Variants in NOTCH4 observed in about 807,000 individuals in gnomAD.
The protein encoded by NOTCH4 is notch receptor 4.
In NOTCH4, 138 loss-of-function variants were observed where a neutral mutation model predicts 189.0. The ratio of observed to expected loss-of-function variants is 0.73; its 90% CI spans 0.64 to 0.84. The LOEUF (loss-of-function observed/expected upper bound fraction) is 0.84. Among genes scored for constraint, NOTCH4 ranks in the 40% least tolerant of loss-of-function variants. The pLI is 0.00. For missense variants in NOTCH4, 2,286 were observed against 2,605.4 expected (o/e 0.88, Z 2.67); for synonymous variants, 942 against 1,032.8 (o/e 0.91, Z 1.69).
Position 32,198,298 on chromosome 6 carries a change from A to C in NOTCH4, c.4756+123T>G. The C allele has an allele frequency of 1.9e-6, 2 of 1,051,286 alleles. No homozygotes were observed. Among genetic ancestry groups the C allele is most frequent in the Non-Finnish European group, 2.7e-6 (2 of 735,928 alleles). The allele number at this position is 1,051,286 out of a possible 1,614,324, so 65.1% of individuals were successfully genotyped here. On this transcript the variant is annotated intron_variant, in intron 26 of 29. Coordinates refer to ENST00000375023, the MANE Select transcript of NOTCH4 (RefSeq NM_004557.4). The surrounding 1 kb of genome is among the most constrained non-coding windows in gnomAD (Gnocchi z 5.5). ...GCTGTCTGAGGACCACACTTTGAGA[A>C]TCATTGTTCTAAGGCACTCAGTCTA...
chr6:32,223,288 C>G (rs1232042017), intron 1 of NOTCH4, among the ~76,000 whole-genome samples: 2 of 152,156 alleles, frequency 1.3e-5, no homozygotes, highest in Admixed American at 1.3e-4. Context: ...TCCCTACCCC[C>G]CTTTCCTGTT....
At chr6:32,211,069 G>A (rs770658789) in intron 17 of NOTCH4, 133 bp from the exon 18 acceptor site, 59 of 779,410 alleles carry the variant, frequency 7.6e-5, no homozygotes, top group Non-Finnish European at 1.1e-4. Context: ...GACCAGCCTG[G>A]CAAACATGGG....
Position 32,201,080 on chromosome 6 carries a change from A to T in NOTCH4, c.4139+37T>A, listed in dbSNP as rs763510413. The T allele has an allele frequency of 6.3e-7, 1 of 1,578,698 alleles. No homozygotes were observed. Among genetic ancestry groups the T allele is most frequent in the Admixed American group, 1.8e-5 (1 of 56,052 alleles). ...TTCCTCCCTCTGCCCTCTTAAAAAA[A>T]CTGGTGTCTGGCCCTTCCCTCCACC... On this transcript the variant is annotated intron_variant, in intron 22 of 29. Transcript: ENST00000375023. The surrounding 1 kb of genome is among the most constrained non-coding windows in gnomAD (Gnocchi z 5.5).
intron 18 of NOTCH4, among the ~76,000 whole-genome samples, chr6:32,207,739 A>G (rs1450468675): frequency 1.3e-5 from 2 of 151,956 alleles, no homozygotes; most frequent in African/African-American, 4.8e-5. Context: ...CCACTAAAAA[A>G]AAAATTCAGC....
rs1333145267 is a variant in NOTCH4 at position 32,217,281 on chromosome 6, G to C, written c.1625-15C>G. On this transcript the variant is annotated splice_polypyrimidine_tract_variant and intron_variant, in intron 9 of 29. Transcript: ENST00000375023. This position sits in a 1 kb window ranked among gnomAD's most constrained non-coding sequence, Gnocchi z 4.2. ...GCCGGAGAATCCTGGTGGGGCGGAA[G>C]TGGGTGGGGAGAGGAGGCCAAGGTC... is the stretch of plus-strand genomic sequence containing the variant. 1.3e-6 allele frequency: 2 copies of C among 1,585,234 alleles called. No individual in the cohort carries two copies. The highest frequency in any genetic ancestry group is 1.7e-6 in the Non-Finnish European group (2 of 1,155,234).
intron 18 of NOTCH4, 122 bp from the exon 19 acceptor site, chr6:32,204,511 C>T: frequency 9.6e-7 from 1 of 1,043,910 alleles, no homozygotes; most frequent in Non-Finnish European, 1.4e-6. Context: ...TCACTCAACT[C>T]ACCATCCATC....
At chr6:32,211,594 AAAATAAATAAATAAATAAATAAAT>A (rs55792395) in intron 17 of NOTCH4, among the ~76,000 whole-genome samples, 2 of 137,174 alleles carry the variant, frequency 1.5e-5, no homozygotes, top group African/African-American at 5.5e-5. Context: ...CTCCATCTCA[AAAATAAATAAATAAATAAATAAAT>A]AAATAAATAA....
intron 8 of NOTCH4, among the ~76,000 whole-genome samples, chr6:32,218,928 T>C (rs1467581336): frequency 6.6e-6 from 1 of 152,194 alleles, no homozygotes; most frequent in Non-Finnish European, 1.5e-5. Context: ...AGTTATAAAA[T>C]GGGCAGTGCT....
Position 32,220,410 on chromosome 6 carries a change from C to A in NOTCH4, c.1154G>T (p.Arg385Leu), listed in dbSNP as rs754712190. 3.7e-6 allele frequency: 6 copies of A among 1,613,910 alleles called. No individual in the cohort carries two copies. In the Admixed American group the frequency reaches 1.0e-4, roughly 27 times the overall value. Residue 385 changes from arginine to leucine, a missense_variant, in exon 6 of 30, where the codon CGC (arginine) becomes CTC (leucine). Arg to Leu is a moderately radical substitution (Grantham distance 102, BLOSUM62 -2). Coordinates refer to ENST00000375023, the MANE Select transcript of NOTCH4 (RefSeq NM_004557.4). The part of the protein sequence containing the change: ...GSFSCLCPPG[R>L]TGLLCHLEDM... ...GATACCCTCTACCCCCATACCTGTG[C>A]GTCCAGGTGGGCAGAGGCAGGAGAA...
rs1302224599 is a variant in NOTCH4, at chr6:32,198,412, C to T, written c.4756+9G>A. 1.2e-6 allele frequency: 2 copies of T among 1,604,542 alleles called. No individual in the cohort carries two copies. Among genetic ancestry groups the T allele is most frequent in the Non-Finnish European group, 1.7e-6 (2 of 1,176,994 alleles). On this transcript the variant is annotated intron_variant, in intron 26 of 29. Coordinates refer to ENST00000375023, the MANE Select transcript of NOTCH4 (RefSeq NM_004557.4). This position sits in a 1 kb window ranked among gnomAD's most constrained non-coding sequence, Gnocchi z 5.5. The stretch of plus-strand genomic sequence containing the variant: ...TTTTTTTTTTCTTGGTCTGGGTTGA[C>T]TCACATACCAGGTCCACGGGTGTCC...
At chr6:32,209,321 G>A (rs559237519) in intron 18 of NOTCH4, among the ~76,000 whole-genome samples, 1 of 152,288 alleles carries the variant, frequency 6.6e-6, no homozygotes, top group South Asian at 2.1e-4. Flanking sequence ...TGGAAGTAGG[G>A]TAGAATGATG....
Position 32,214,125 on chromosome 6 carries a change from G to A in NOTCH4, c.2152C>T (p.Pro718Ser). ...PQPSGYNCTC[P>S]TGYTGPTCSE... is the part of the protein sequence containing the mutation. ...AGGGTCTCACCTGTGTAGCCTGTAG[G>A]GCAGGTGCAGTTGTAGCCAGAGGGC... The change falls in exon 13 of 30, where the codon CCT becomes TCT. Residue 718 changes from proline (P) to serine (S), a missense_variant. This residue lies in a region of NOTCH4 where 1,903 missense variants were observed against 2,261.9 expected (regional missense o/e 0.84). Coordinates refer to ENST00000375023, the MANE Select transcript of NOTCH4 (RefSeq NM_004557.4). The A allele has an allele frequency of 6.2e-7, 1 of 1,612,880 alleles. No homozygotes were observed. Among genetic ancestry groups the A allele is most frequent in the Non-Finnish European group, 8.5e-7 (1 of 1,179,510 alleles).
chr6:32,206,107 C>T (rs1207395990), intron 18 of NOTCH4, among the ~76,000 whole-genome samples: 1 of 151,958 alleles, frequency 6.6e-6, no homozygotes, highest in Non-Finnish European at 1.5e-5. Context: ...CAGCTAACAT[C>T]ATATTGAATG....
Position 32,204,307 on chromosome 6 carries a change from C to T in NOTCH4, c.2948G>A (p.Cys983Tyr). 1 of 1,613,000 alleles carries T rather than the reference C, an allele frequency of 6.2e-7. No individual in the cohort carries two copies. The highest frequency in any genetic ancestry group is 1.3e-5 in the African/African-American group (1 of 75,034). ...GTGGAATCCTCCAGGTTTGGGAGTA[C>T]AGGTTCCATGGTTGTGACAGGGTTG... The part of the protein sequence containing the change: ...QSQPCHNHGT[C>Y]TPKPGGFHCA... Residue 983 changes from cysteine (C) to tyrosine (Y), a missense_variant, in exon 19 of 30, where the codon TGT becomes TAT. Cys to Tyr is a radical substitution (Grantham distance 194). Around this residue, in one of 2 missense-constraint regions of NOTCH4, gnomAD observed 1,903 missense variants for 2,261.9 expected, o/e 0.84. Coordinates refer to ENST00000375023, the MANE Select transcript of NOTCH4 (RefSeq NM_004557.4).
chr6:32,204,431 C>T, intron 18 of NOTCH4, 42 bp from the exon 19 acceptor site: 1 of 1,598,350 alleles, frequency 6.3e-7, no homozygotes, highest in Non-Finnish European at 8.5e-7. Context: ...GTGGATGAGC[C>T]CAACCCAGCA....
In NOTCH4 at chr6:32,214,484, T is replaced by C. The variant is rs28374012; in HGVS notation, c.2022-229A>G. Among the ~76,000 whole-genome samples the C allele has an allele frequency of 0.11, 16,166 of 140,894 alleles. 1,490 individuals are homozygous for C. The highest frequency in any genetic ancestry group is 0.21 in the Admixed American group (2,902 of 14,064). 92.4% of individuals were successfully genotyped at this position (140,894 alleles called of 152,430 possible). A position where few individuals can be genotyped will look rare whatever the true frequency, so the allele number is the denominator to read the frequency against. The stretch of plus-strand genomic sequence containing the variant: ...AGTTGGAGATATATATATATATATA[T>C]ACACACATATATATTCTTTCTGTAA... On this transcript the variant is annotated intron_variant, in intron 12 of 29. Transcript: ENST00000375023.
chr6:32,223,164 G>T, intron 1 of NOTCH4, 78 bp from the exon 2 acceptor site: 4 of 1,078,762 alleles, frequency 3.7e-6, no homozygotes, highest in South Asian at 1.3e-5. Context: ...GCTCCTGAGA[G>T]ACCTGCCCAC....
At position 32,219,686 on chromosome 6, in the gene NOTCH4, A is replaced by G; in HGVS notation, c.1416T>C (p.Cys472=). 2 of 1,612,680 alleles carry G rather than the reference A, an allele frequency of 1.2e-6. No homozygotes were observed. Among genetic ancestry groups the G allele is most frequent in the Non-Finnish European group, 1.7e-6 (2 of 1,179,590 alleles). ...AGAGGCACTCATTGTGATCAGCCTC[A>G]CAACGGGAGCCTGTGTAGCCAGGTG... The part of the protein sequence containing the change: ...LCPPGYTGSR[C]EADHNECLSQ... The change falls in exon 8 of 30, where the codon TGT becomes TGC. Residue 472 remains cysteine, a synonymous_variant. Coordinates refer to ENST00000375023, the MANE Select transcript of NOTCH4 (RefSeq NM_004557.4).
chr6:32,220,935 G>A (rs2127488586), intron 4 of NOTCH4, 43 bp downstream of exon 4: 1 of 1,596,548 alleles, frequency 6.3e-7, no homozygotes, highest in East Asian at 2.2e-5. Flanking sequence ...ATCCTGCCCT[G>A]CCCAGAGAGA....
Sources: allele counts gnomAD v4.1 joint callset (sites outside exome capture counted in the v4.1 genomes callset), GRCh38; gene constraint gnomAD v4.1.1; regional missense constraint gnomAD v4.1.1; non-coding constraint Gnocchi (gnomAD v3.1); transcripts MANE v1.5; gene names NCBI Gene and HGNC (gene_info 2026-07-23, HGNC 2026-07-21).